KCTD10: variants seen among roughly 807,000 people sequenced by gnomAD.
The protein encoded by KCTD10 is BTB/POZ domain-containing adapter for CUL3-mediated RhoA degradation protein 3.
A neutral mutation model predicts 34.6 loss-of-function variants in KCTD10; 13 were observed. That is an observed-to-expected ratio of 0.38 (90% CI 0.24 to 0.60). KCTD10 has a LOEUF of 0.60. KCTD10 is among the 20% of genes least tolerant of loss of function. KCTD10 has a pLI of 0.66. For synonymous variants in KCTD10, 156 were observed against 168.8 expected (o/e 0.92, Z 0.59); for missense variants, 256 against 420.3 (o/e 0.61, Z 3.42).
At chr12:109,454,951 T>A (rs977651768) in intron 6 of KCTD10, among the ~76,000 whole-genome samples, 12 of 151,826 alleles carry the variant, frequency 7.9e-5, no homozygotes, top group Non-Finnish European at 1.3e-4. Context: ...CTCCTCTTAC[T>A]ACCCAAGGGC....
chr12:109,452,446 G>A (rs1872819296), intron 6 of KCTD10, among the ~76,000 whole-genome samples: 3 of 152,212 alleles, frequency 2.0e-5, no homozygotes, highest in African/African-American at 7.2e-5. Context: ...TTGCCCTTCA[G>A]GGTTAAGGTG....
At chr12:109,452,044 C>T (rs1035554175) in intron 6 of KCTD10, among the ~76,000 whole-genome samples, 12 of 152,164 alleles carry the variant, frequency 7.9e-5, no homozygotes, top group Admixed American at 7.9e-4. Flanking sequence ...CCTAGTTTCC[C>T]TTCTTAAAGG....
At chr12:109,470,130 C>T in intron 1 of KCTD10, 1 of 1,018,046 alleles carries the variant, frequency 9.8e-7, no homozygotes, top group African/African-American at 1.7e-5. Context: ...ACATGAACAC[C>T]CTGGCTGCAC....
chr12:109,456,334 C>A (rs375383702), intron 5 of KCTD10, 21 bp from the exon 6 acceptor site: 1 of 1,608,660 alleles, frequency 6.2e-7, no homozygotes, highest in Non-Finnish European at 8.5e-7. Context: ...GCATTTGATA[C>A]GGTGACCACA....
At chr12:109,470,128 A>C in intron 1 of KCTD10, 1 of 1,018,934 alleles carries the variant, frequency 9.8e-7, no homozygotes, top group South Asian at 4.1e-5. Context: ...ATACATGAAC[A>C]CCCTGGCTGC....
rs971995243 is a variant in KCTD10, at chr12:109,451,456, A to G, written c.*139T>C. On this transcript the variant is annotated 3_prime_UTR_variant, in exon 7 of 7. Coordinates refer to ENST00000228495, the MANE Select transcript of KCTD10 (RefSeq NM_031954.5). The surrounding 1 kb of genome is among the most constrained non-coding windows in gnomAD (Gnocchi z 5.0). ...AATTTGCCTTGTCAAGCAATACCAA[A>G]ATAATCATCTGGCTTGTTACAAAAG... 2 of 823,956 alleles carry G rather than the reference A, an allele frequency of 2.4e-6. No individual in the cohort carries two copies. The highest frequency in any genetic ancestry group is 1.7e-5 in the African/African-American group (1 of 58,402). 51.0% of individuals were successfully genotyped at this position (823,956 alleles called of 1,614,324 possible).
intron 6 of KCTD10, among the ~76,000 whole-genome samples, chr12:109,454,452 G>A (rs1872923499): frequency 1.3e-5 from 2 of 152,180 alleles, no homozygotes; most frequent in African/African-American, 4.8e-5. Flanking sequence ...ATATGGGCTG[G>A]GTGCAGTGGC....
chr12:109,456,453 G>A (rs1873023343), intron 5 of KCTD10, 140 bp from the exon 6 acceptor site: 3 of 715,980 alleles, frequency 4.2e-6, no homozygotes, highest in Non-Finnish European at 4.9e-6. Flanking sequence ...CATGACAAAG[G>A]CACTCCAATC....
rs987475672 is a variant in KCTD10, at chr12:109,449,358, A to G, written c.*2237T>C. 10 of 152,262 alleles carry G rather than the reference A, an allele frequency of 6.6e-5. No homozygotes were observed. Among genetic ancestry groups the G allele is most frequent in the Non-Finnish European group, 2.9e-5 (2 of 68,054 alleles). 9.4% of individuals were successfully genotyped at this position (152,262 alleles called of 1,614,324 possible). The stretch of plus-strand genomic sequence containing the variant: ...AAAGTTGGGTAGAGAGAGCTGCCAG[A>G]AACACTAGCTCATTAGGCATAGAGG... On this transcript the variant is annotated 3_prime_UTR_variant, in exon 7 of 7. Transcript: ENST00000228495.
chr12:109,464,549 A>T (rs1042433236), intron 2 of KCTD10, among the ~76,000 whole-genome samples: 5 of 152,230 alleles, frequency 3.3e-5, no homozygotes, highest in African/African-American at 1.2e-4. Flanking sequence ...AAGCCCCATT[A>T]AAAAAGCTCA....
rs1325637859 is a variant in KCTD10 at position 109,449,504 on chromosome 12, A to G, written c.*2091T>C. The G allele has an allele frequency of 1.3e-5, 2 of 152,280 alleles. No individual in the cohort carries two copies. The highest frequency in any genetic ancestry group is 2.9e-5 in the Non-Finnish European group (2 of 68,098). The allele number at this position is 152,280 out of a possible 1,614,324, so 9.4% of individuals were successfully genotyped here. A position where few individuals can be genotyped will look rare whatever the true frequency, so the allele number is the denominator to read the frequency against. ...CACTTTGGGAGGCCAAGGTGGTCGG[A>G]TCACAGGGTCAGGAGTTCAAGACCA... On this transcript the variant is annotated 3_prime_UTR_variant, in exon 7 of 7. Coordinates refer to ENST00000228495, the MANE Select transcript of KCTD10 (RefSeq NM_031954.5).
At chr12:109,467,915 G>A (rs9943764) in intron 2 of KCTD10, among the ~76,000 whole-genome samples, 25,795 of 152,220 alleles carry the variant, frequency 0.17, 2,246 homozygotes, top group African/African-American at 0.18. Context: ...CCACCAAGGC[G>A]AGGCCTTTCG....
chr12:109,451,396 A>AACG lies in KCTD10; in HGVS notation c.*196_*198dup, dbSNP rs1872758366. On this transcript the variant is annotated 3_prime_UTR_variant, in exon 7 of 7. Transcript: ENST00000228495. This position sits in a 1 kb window ranked among gnomAD's most constrained non-coding sequence, Gnocchi z 5.0. ...TAGAGATCTTAGACACAGCTTGTTC[A>AACG]ACGACAGGGGTCATACGCCTGGGTC... The AACG allele has an allele frequency of 5.5e-6, 3 of 548,832 alleles. No individual in the cohort carries two copies. The highest frequency in any genetic ancestry group is 9.5e-6 in the Non-Finnish European group (3 of 315,032). 34.0% of individuals were successfully genotyped at this position (548,832 alleles called of 1,614,324 possible). A position where few individuals can be genotyped will look rare whatever the true frequency, so the allele number is the denominator to read the frequency against.
At chr12:109,459,753 A>C (rs1873217695) in intron 3 of KCTD10, 1 of 152,178 alleles carries the variant, frequency 6.6e-6, no homozygotes, top group Non-Finnish European at 1.5e-5. Context: ...AATAAAGAGC[A>C]GCACAGGCGA....
At chr12:109,467,581 T>G (rs768494077) in intron 2 of KCTD10, among the ~76,000 whole-genome samples, 44 of 152,062 alleles carry the variant, frequency 2.9e-4, no homozygotes, top group Non-Finnish European at 4.3e-4. Context: ...ATGATGGCCC[T>G]AGTGCACTTC....
Position 109,451,646 on chromosome 12 carries a change from C to T in KCTD10, c.891G>A (p.Val297=). ...CAGGGCGCTTGATGTGGATCCTCCGCACGCGCTCGATCCGCTCCCGCTCCT... is the reference window on the plus strand; with the variant it reads ...CAGGGCGCTTGATGTGGATCCTCCGTACGCGCTCGATCCGCTCCCGCTCCT... The part of the protein sequence containing the change: ...EDEERERIER[V]RRIHIKRPDD... The change falls in exon 7 of 7, where the codon GTG becomes GTA. Residue 297 remains valine (V), a synonymous_variant. Transcript: ENST00000228495. This position sits in a 1 kb window ranked among gnomAD's most constrained non-coding sequence, Gnocchi z 5.0. 1.2e-6 allele frequency: 2 copies of T among 1,612,666 alleles called. No homozygotes were observed.
At chr12:109,475,523 T>C (rs934446963) in intron 1 of KCTD10, among the ~76,000 whole-genome samples, 3 of 149,120 alleles carry the variant, frequency 2.0e-5, no homozygotes, top group Non-Finnish European at 2.9e-5. Context: ...TTGCCTGGGC[T>C]ACACCCCAGA....
Position 109,460,875 on chromosome 12 carries a change from G to T in KCTD10, c.218-70C>A. The T allele has an allele frequency of 2.7e-6, 4 of 1,474,858 alleles. No individual in the cohort carries two copies. In the South Asian group the frequency reaches 3.7e-5, roughly 14 times the overall value. 91.4% of individuals were successfully genotyped at this position (1,474,858 alleles called of 1,614,324 possible). ...TGTGGGAGGCCCTGAGCAGAGCTGG[G>T]GTGTCTCTCGGCTCCCTCTACCTCC... On this transcript the variant is annotated intron_variant, in intron 2 of 6. Transcript: ENST00000228495. This position sits in a 1 kb window ranked among gnomAD's most constrained non-coding sequence, Gnocchi z 4.5.
intron 1 of KCTD10, 158 bp from the exon 2 acceptor site, chr12:109,469,886 A>G: frequency 7.1e-7 from 1 of 1,399,956 alleles, no homozygotes; most frequent in Non-Finnish European, 9.4e-7. Context: ...GAGCTCACAG[A>G]AAAATCTGGA....
Sources: allele counts gnomAD v4.1 joint callset (sites outside exome capture counted in the v4.1 genomes callset), GRCh38; gene constraint gnomAD v4.1.1; non-coding constraint Gnocchi (gnomAD v3.1); transcripts MANE v1.5; gene names NCBI Gene and HGNC (gene_info 2026-07-23, HGNC 2026-07-21).